SRPK2: variants seen among roughly 807,000 people sequenced by gnomAD.
SRPK2 encodes the protein SRSF protein kinase 2.
Under a neutral mutation model 90.8 loss-of-function variants are expected in SRPK2, and 21 were observed. The ratio of observed to expected loss-of-function variants is 0.23; its 90% CI spans 0.16 to 0.33. The LOEUF (loss-of-function observed/expected upper bound fraction) is 0.33. Among genes scored for constraint, SRPK2 ranks in the 10% least tolerant of loss-of-function variants. The probability of loss-of-function intolerance (pLI) is 1.00; values close to 1 mark genes in which losing one functional copy is unlikely to be tolerated. For missense variants in SRPK2, 620 were observed against 869.0 expected (o/e 0.71, Z 3.60); for synonymous variants, 288 against 311.1 (o/e 0.93, Z 0.78).
intron 13 of SRPK2, among the ~76,000 whole-genome samples, chr7:105,129,239 A>C (rs1341284926): frequency 1.3e-5 from 2 of 151,838 alleles, no homozygotes; most frequent in Non-Finnish European, 2.9e-5. Context: ...CGGCCAAATA[A>C]TTTTCTTTTT....
chr7:105,265,986 T>C lies in SRPK2; in HGVS notation c.72-62201A>G, dbSNP rs371924034. ...ATAAACTAACGTTTTGTAACCCTGA[T>C]AGTTTTGATCTTAGGAGTCAGCCAT... On this transcript the variant is annotated intron_variant, in intron 2 of 15. Transcript: ENST00000393651. 4.5e-4 allele frequency among the ~76,000 whole-genome samples: 68 copies of C among 152,264 alleles called. No individual in the cohort carries two copies. The East Asian group carries it at 7.3e-3, about 16-fold the overall frequency.
chr7:105,260,431 AGTG>A (rs1804051139), intron 2 of SRPK2, among the ~76,000 whole-genome samples: 2 of 152,220 alleles, frequency 1.3e-5, no homozygotes, highest in African/African-American at 4.8e-5. Flanking sequence ...TTACACTGTT[AGTG>A]GGAGTGTAAA....
At chr7:105,310,734 A>G (rs2131379981) in intron 2 of SRPK2, among the ~76,000 whole-genome samples, 1 of 152,268 alleles carries the variant, frequency 6.6e-6, no homozygotes, top group East Asian at 1.9e-4. Flanking sequence ...ACTGCTATAT[A>G]TTTATTTTCC....
intron 11 of SRPK2, among the ~76,000 whole-genome samples, chr7:105,140,132 C>G (rs774314235): frequency 3.3e-5 from 5 of 152,056 alleles, no homozygotes; most frequent in East Asian, 3.9e-4. Context: ...GGGGAAAAAT[C>G]TGTACATGTT....
intron 2 of SRPK2, among the ~76,000 whole-genome samples, chr7:105,300,798 A>G (rs1208209397): frequency 1.3e-5 from 2 of 152,232 alleles, no homozygotes; most frequent in South Asian, 4.1e-4. Flanking sequence ...AAAAAATGCA[A>G]ATCAAAACCA....
At chr7:105,282,935 TAACA>T (rs1253713484) in intron 2 of SRPK2, among the ~76,000 whole-genome samples, 7 of 151,110 alleles carry the variant, frequency 4.6e-5, no homozygotes, top group Admixed American at 4.0e-4. Flanking sequence ...AAAGAACTCT[TAACA>T]ATCAATTTAA....
At chr7:105,224,986 T>C (rs1798540287) in intron 2 of SRPK2, among the ~76,000 whole-genome samples, 1 of 152,210 alleles carries the variant, frequency 6.6e-6, no homozygotes, top group Non-Finnish European at 1.5e-5. Context: ...TGAGCTTTCA[T>C]TAATCAGGTT....
intron 2 of SRPK2, among the ~76,000 whole-genome samples, chr7:105,368,321 C>T (rs894493501): frequency 2.6e-5 from 4 of 152,098 alleles, no homozygotes; most frequent in African/African-American, 9.7e-5. Flanking sequence ...ATGATAAAAC[C>T]GTGCAGGTCC....
At chr7:105,279,998 G>A (rs1182808623) in intron 2 of SRPK2, among the ~76,000 whole-genome samples, 2 of 152,114 alleles carry the variant, frequency 1.3e-5, no homozygotes, top group African/African-American at 4.8e-5. Context: ...AAATTTTACA[G>A]ATTATATCAT....
chr7:105,312,138 T>C (rs1307520226), intron 2 of SRPK2, among the ~76,000 whole-genome samples: 1 of 152,174 alleles, frequency 6.6e-6, no homozygotes, highest in Non-Finnish European at 1.5e-5. Context: ...TACTGATATA[T>C]GCTACAAAGT....
chr7:105,161,679 C>G (rs1031105600), intron 6 of SRPK2, among the ~76,000 whole-genome samples: 1 of 152,204 alleles, frequency 6.6e-6, no homozygotes, highest in African/African-American at 2.4e-5. Context: ...GCTCCAGTAT[C>G]TCAAGTGTCC....
At chr7:105,328,509 G>A (rs1488027127) in intron 2 of SRPK2, among the ~76,000 whole-genome samples, 1 of 139,462 alleles carries the variant, frequency 7.2e-6, no homozygotes, top group African/African-American at 2.7e-5. Flanking sequence ...GTTGCAGTGA[G>A]CTGCGATCAG....
chr7:105,348,388 A>T, intron 2 of SRPK2, among the ~76,000 whole-genome samples: 1 of 147,214 alleles, frequency 6.8e-6, no homozygotes, highest in African/African-American at 2.5e-5. Flanking sequence ...TTAATAAGCC[A>T]CTATTTGGTA....
chr7:105,209,742 A>G (rs1411152368), intron 2 of SRPK2, among the ~76,000 whole-genome samples: 5 of 152,008 alleles, frequency 3.3e-5, no homozygotes, highest in Admixed American at 3.3e-4. Context: ...CAAAAGAGAA[A>G]AAGAGGGGAG....
intron 2 of SRPK2, among the ~76,000 whole-genome samples, chr7:105,346,671 T>C (rs900571706): frequency 1.3e-5 from 2 of 151,836 alleles, no homozygotes; most frequent in African/African-American, 2.4e-5. Context: ...GAAGAACTGA[T>C]TGAACCCCAG....
chr7:105,315,895 C>A (rs569937618), intron 2 of SRPK2, among the ~76,000 whole-genome samples: 17 of 152,144 alleles, frequency 1.1e-4, no homozygotes, highest in Non-Finnish European at 2.1e-4. Context: ...TCCTAACCCT[C>A]TTTCAAAGTA....
chr7:105,305,643 G>C (rs1382639194), intron 2 of SRPK2, among the ~76,000 whole-genome samples: 4 of 149,174 alleles, frequency 2.7e-5, no homozygotes, highest in Non-Finnish European at 6.0e-5. Flanking sequence ...GAAGCACACT[G>C]TTGGAGAGGA....
chr7:105,302,238 TG>T (rs1750077116), intron 2 of SRPK2, among the ~76,000 whole-genome samples: 1 of 152,258 alleles, frequency 6.6e-6, no homozygotes, highest in Non-Finnish European at 1.5e-5. Flanking sequence ...TGAAAGTTCA[TG>T]AAGAGATCCA....
At chr7:105,350,529 CTTTTT>C (rs71152961) in intron 2 of SRPK2, among the ~76,000 whole-genome samples, 1 of 127,350 alleles carries the variant, frequency 7.9e-6, no homozygotes. Context: ...AATTTTTTTT[CTTTTT>C]TTTTTTTTTT....
Sources: allele counts gnomAD v4.1 joint callset (sites outside exome capture counted in the v4.1 genomes callset), GRCh38; gene constraint gnomAD v4.1.1; transcripts MANE v1.5; gene names NCBI Gene and HGNC (gene_info 2026-07-23, HGNC 2026-07-21).